The following MYO1H variants were observed in gnomAD, a reference collection of about 807,000 sequenced individuals.
MYO1H encodes the protein myosin IH, also known as unconventional myosin-Ih.
In MYO1H, 118 loss-of-function variants were observed where a neutral mutation model predicts 149.3. The observed-to-expected ratio is 0.79, with a 90% confidence interval of 0.68 to 0.92. MYO1H has a LOEUF of 0.92. MYO1H is among the 40% of genes least tolerant of loss of function. MYO1H has a pLI of 0.00. For missense variants in MYO1H, 1,212 were observed against 1,280.7 expected, an observed-to-expected ratio of 0.95 and a Z score of 0.82; for synonymous variants, 447 against 465.2, an observed-to-expected ratio of 0.96 and a Z score of 0.50.
At chr12:109,329,852 A>G in the MYO1H span, among the ~76,000 whole-genome samples, 1 of 152,188 alleles carries the variant, frequency 6.6e-6, no homozygotes, top group Non-Finnish European at 1.5e-5. Context: ...GATAGTATGC[A>G]TTTGTTCCTA....
At chr12:109,360,943 G>A (rs949149480) in intron 1 of MYO1H, among the ~76,000 whole-genome samples, 1 of 152,160 alleles carries the variant, frequency 6.6e-6, no homozygotes, top group African/African-American at 2.4e-5. Flanking sequence ...CACAACTCAC[G>A]TCTGTCAAGT....
chr12:109,392,286 C>G (rs2137037009), intron 2 of MYO1H, among the ~76,000 whole-genome samples: 1 of 152,316 alleles, frequency 6.6e-6, no homozygotes, highest in South Asian at 2.1e-4. Flanking sequence ...TCCATTCTGC[C>G]CTCACTCGGG....
At chr12:109,347,887 T>C (rs1868371491), upstream of MYO1H, 1 of 398,894 alleles carries the variant, frequency 2.5e-6, no homozygotes, top group East Asian at 3.6e-5. Context: ...CACAGAATCA[T>C]AAGTCAGTGG....
intron 1 of MYO1H, among the ~76,000 whole-genome samples, chr12:109,374,468 A>G (rs1000383611): frequency 6.6e-6 from 1 of 152,206 alleles, no homozygotes; most frequent in African/African-American, 2.4e-5. Context: ...GTTCTATATA[A>G]TTGTTTGTGG....
chr12:109,345,655 C>G (rs555786760), upstream of MYO1H, among the ~76,000 whole-genome samples: 1 of 152,148 alleles, frequency 6.6e-6, no homozygotes, highest in Non-Finnish European at 1.5e-5. Context: ...AAATTTGCAC[C>G]TGAATGTTGA....
In MYO1H at chr12:109,425,960, TA is replaced by T; in HGVS notation, c.1745del (p.Asn582ThrfsTer3). ...TCTCTCTGCAGGTGGGGACTCAGTTTAAAAACAGTCTGAGCAGCCTTCTAGA... is the reference window on the plus strand; with the variant it reads ...TCTCTCTGCAGGTGGGGACTCAGTTTAAAACAGTCTGAGCAGCCTTCTAGA... On this transcript the variant is annotated frameshift_variant, in exon 18 of 32. Transcript: ENST00000310903. LOFTEE classifies it high-confidence loss of function. 6.2e-7 allele frequency: 1 copy of T among 1,613,434 alleles called. No homozygotes were observed.
chr12:109,406,011 C>CCT lies in MYO1H; in HGVS notation c.940_941insTC (p.His314LeufsTer7), dbSNP rs753112106. ...AAGGCTGTGCCACTATCCCAGACAC[C>CCT]CATGAGATCAAGTGGATAGCCAAGG... On this transcript the variant is annotated frameshift_variant, in exon 8 of 32. Coordinates refer to ENST00000310903, the Ensembl canonical transcript of MYO1H. LOFTEE classifies it high-confidence loss of function. 1 of 1,613,216 alleles carries CCT rather than the reference C, an allele frequency of 6.2e-7. No individual in the cohort carries two copies. The highest frequency in any genetic ancestry group is 8.5e-7 in the Non-Finnish European group (1 of 1,179,282).
In MYO1H at chr12:109,405,913, T is replaced by C; in HGVS notation, c.850-9T>C. 6.3e-7 allele frequency: 1 copy of C among 1,588,654 alleles called. No homozygotes were observed. Among genetic ancestry groups the C allele is most frequent in the East Asian group, 2.2e-5 (1 of 44,754 alleles). ...ATCTCCTGTCTCTGAACACTTCCCA[T>C]GTTCCTAGAATCTCTTTGGAATTAT... On this transcript the variant is annotated splice_polypyrimidine_tract_variant and intron_variant, in intron 7 of 31. Transcript: ENST00000310903.
chr12:109,339,522 T>C, the MYO1H span, among the ~76,000 whole-genome samples: 1 of 152,148 alleles, frequency 6.6e-6, no homozygotes, highest in African/African-American at 2.4e-5. Context: ...TATGTACAAA[T>C]TGAAAACAAA....
intron 1 of MYO1H, among the ~76,000 whole-genome samples, chr12:109,368,210 C>T (rs1049744879): frequency 2.0e-5 from 3 of 152,152 alleles, no homozygotes; most frequent in African/African-American, 4.8e-5. Context: ...TAGGACTGTC[C>T]GCTCCTCAAG....
chr12:109,435,977 TC>T (rs1380584069), intron 21 of MYO1H, among the ~76,000 whole-genome samples: 1 of 152,156 alleles, frequency 6.6e-6, no homozygotes, highest in African/African-American at 2.4e-5. Context: ...TCTGCAAGGC[TC>T]TTGATGAGCT....
rs191667283 is a variant in MYO1H at position 109,448,096 on chromosome 12, G to T, written c.*914G>T. 3.9e-5 allele frequency: 6 copies of T among 152,104 alleles called. 1 individual carries two copies. Among genetic ancestry groups the T allele is most frequent in the Admixed American group, 2.6e-4 (4 of 15,274 alleles). 9.4% of individuals were successfully genotyped at this position (152,104 alleles called of 1,614,324 possible). A position where few individuals can be genotyped will look rare whatever the true frequency, so the allele number is the denominator to read the frequency against. On this transcript the variant is annotated 3_prime_UTR_variant, in exon 32 of 32. Coordinates refer to ENST00000310903, the Ensembl canonical transcript of MYO1H. ...ACTTAGGTAATATGGTCTTATTTTT[G>T]ATTTAATTAAATATACGTGTAGCTC...
chr12:109,363,839 C>T lies in MYO1H; in HGVS notation c.12+15867C>T, dbSNP rs1007652793. ...AAACAGATAGGGTAACATAGCAAGA[C>T]GAAAAAGAAATAAAATACTCTTGGA... On this transcript the variant is annotated intron_variant, in intron 1 of 31. Transcript: ENST00000310903. 3.9e-5 allele frequency among the ~76,000 whole-genome samples: 6 copies of T among 151,968 alleles called. No individual in the cohort carries two copies. In the South Asian group the frequency reaches 8.3e-4, roughly 21 times the overall value.
chr12:109,446,517 A>T, intron 31 of MYO1H: 4 of 953,442 alleles, frequency 4.2e-6, no homozygotes, highest in Non-Finnish European at 5.0e-6. Context: ...TAATCCCAGC[A>T]CTTTGGGAGG....
rs1168118158 is a variant in MYO1H at position 109,443,196 on chromosome 12, ATG to A, written c.2689-312_2689-311del. 4.8e-4 allele frequency among the ~76,000 whole-genome samples: 46 copies of A among 95,708 alleles called. 5 individuals are homozygous for A. The highest frequency in any genetic ancestry group is 8.5e-4 in the Non-Finnish European group (39 of 46,012). 62.8% of individuals were successfully genotyped at this position (95,708 alleles called of 152,430 possible). A position where few individuals can be genotyped will look rare whatever the true frequency, so the allele number is the denominator to read the frequency against. On this transcript the variant is annotated intron_variant, in intron 27 of 31. Transcript: ENST00000310903. ...CGTATGTGTGTATATGTGTACGTAT[ATG>A]TGTGTATATGTGTACGTATATGTGT...
In MYO1H at chr12:109,355,763, G is replaced by C. The variant is rs796349344; in HGVS notation, c.12+7791G>C. On this transcript the variant is annotated intron_variant, in intron 1 of 31. Transcript: ENST00000310903. ...TTTTTTTTTGGGAGATGAAGTCTCT[G>C]TCACCCAGGCTGGAGTGCAGTGGCC... Among the ~76,000 whole-genome samples the C allele has an allele frequency of 1.6e-4, 24 of 149,574 alleles. 1 individual carries two copies. The highest frequency in any genetic ancestry group is 5.9e-4 in the African/African-American group (24 of 40,624).
chr12:109,376,246 A>G (rs549098824), intron 1 of MYO1H, among the ~76,000 whole-genome samples: 3 of 152,346 alleles, frequency 2.0e-5, no homozygotes, highest in African/African-American at 7.2e-5. Flanking sequence ...GCCCTTTAGC[A>G]GTCACCTCAA....
intron 6 of MYO1H, among the ~76,000 whole-genome samples, chr12:109,402,286 C>G (rs529488031): frequency 1.3e-5 from 2 of 152,280 alleles, no homozygotes; most frequent in East Asian, 3.9e-4. Context: ...CCTTTTTAGT[C>G]CCAACATTTT....
chr12:109,423,364 G>A (rs1592810006), intron 16 of MYO1H, among the ~76,000 whole-genome samples: 2 of 152,276 alleles, frequency 1.3e-5, no homozygotes, highest in East Asian at 3.9e-4. Context: ...GTTTCACCTT[G>A]TTGGTCAGTC....
Sources: gnomAD v4.1 joint callset for allele counts (sites outside exome capture counted in the v4.1 genomes callset) on GRCh38, gnomAD v4.1.1 for gene constraint, MANE v1.5 for transcripts, NCBI Gene and HGNC (gene_info 2026-07-23, HGNC 2026-07-21) for gene names.